The following MAGI2 variants were observed in gnomAD, a reference collection of about 807,000 sequenced individuals.
The protein encoded by MAGI2 is membrane associated guanylate kinase, WW and PDZ domain containing 2.
MAGI2 carries 35 observed loss-of-function variants against 133.3 expected under a neutral mutation model. That is an observed-to-expected ratio of 0.26 (90% CI 0.20 to 0.35). The LOEUF is 0.35. Ranked by LOEUF, MAGI2 falls within the 10% of genes least tolerant of loss-of-function variation. The pLI, the probability that MAGI2 is intolerant of heterozygous loss-of-function variation, is 1.00. For synonymous variants in MAGI2, 729 were observed against 710.6 expected (o/e 1.03, Z -0.41); for missense variants, 1,636 against 1,863.4 (o/e 0.88, Z 2.25).
intron 6 of MAGI2, among the ~76,000 whole-genome samples, chr7:78,370,538 G>GA (rs1793818428): frequency 1.3e-5 from 2 of 151,826 alleles, no homozygotes; most frequent in African/African-American, 4.8e-5. Flanking sequence ...TCCTAGATGT[G>GA]AAATTTTGGA....
intron 6 of MAGI2, among the ~76,000 whole-genome samples, chr7:78,406,729 TTTACCACA>T (rs1203577509): frequency 3.9e-5 from 6 of 152,066 alleles, no homozygotes; most frequent in Non-Finnish European, 5.9e-5. Flanking sequence ...GGAGAGCCAT[TTTACCACA>T]TGCCAAACAC....
chr7:79,414,407 G>T (rs1405141871), intron 1 of MAGI2: 1 of 152,026 alleles, frequency 6.6e-6, no homozygotes. Flanking sequence ...GGGTTATAAA[G>T]ACAGTAACTG....
intron 1 of MAGI2, among the ~76,000 whole-genome samples, chr7:79,146,210 G>T (rs965256308): frequency 6.6e-6 from 1 of 152,234 alleles, no homozygotes; most frequent in African/African-American, 2.4e-5. Context: ...TGATGTGGAA[G>T]AGGGAGAGCA....
Position 78,501,888 on chromosome 7 carries a change from T to C in MAGI2, c.755-101A>G. The C allele has an allele frequency of 3.8e-6, 3 of 798,156 alleles. No individual in the cohort carries two copies. In the South Asian group the frequency reaches 4.9e-5, roughly 13 times the overall value. The allele number at this position is 798,156 out of a possible 1,614,324, so 49.4% of individuals were successfully genotyped here. On this transcript the variant is annotated intron_variant, in intron 4 of 21. Coordinates refer to ENST00000354212, the MANE Select transcript of MAGI2 (RefSeq NM_012301.4). Reference sequence around the variant, plus strand: ...CAGGGAATAAACGTCATGAATAACTTCTATGAAGGCTAACAGGAAACATTT... The same window carrying C: ...CAGGGAATAAACGTCATGAATAACTCCTATGAAGGCTAACAGGAAACATTT...
rs568484687 is a variant in MAGI2, at chr7:79,141,628, A to T, written c.302-134422T>A. ...GTACTATATCTTACTTCAATAATCA[A>T]TGCAAATGGCCAAATAACGTTGTGT... On this transcript the variant is annotated intron_variant, in intron 1 of 21. Transcript: ENST00000354212. Among the ~76,000 whole-genome samples, 7 of 152,286 alleles carry T rather than the reference A, an allele frequency of 4.6e-5. No homozygotes were observed. In the South Asian group the frequency reaches 1.5e-3, roughly 32 times the overall value.
Position 79,045,103 on chromosome 7 carries a change from C to T in MAGI2, c.302-37897G>A, listed in dbSNP as rs1281938953. ...GGAACACATGGATGAATTTCAGAAACATTGTACTAAGAAAATGAAACTATA... is the reference window on the plus strand; with the variant it reads ...GGAACACATGGATGAATTTCAGAAATATTGTACTAAGAAAATGAAACTATA... On this transcript the variant is annotated intron_variant, in intron 1 of 21. Coordinates refer to ENST00000354212, the MANE Select transcript of MAGI2 (RefSeq NM_012301.4). 2.6e-5 allele frequency among the ~76,000 whole-genome samples: 4 copies of T among 152,126 alleles called. 1 individual carries two copies. In the East Asian group the frequency reaches 7.7e-4, roughly 29 times the overall value.
chr7:78,389,121 G>A (rs1583842191), intron 6 of MAGI2, among the ~76,000 whole-genome samples: 1 of 152,186 alleles, frequency 6.6e-6, no homozygotes, highest in African/African-American at 2.4e-5. Context: ...TGAAGAACAT[G>A]AAAGCTACTT....
At chr7:78,430,153 A>G (rs1172012797) in intron 6 of MAGI2, among the ~76,000 whole-genome samples, 1 of 151,676 alleles carries the variant, frequency 6.6e-6, no homozygotes, top group Non-Finnish European at 1.5e-5. Flanking sequence ...ATTTTTAACA[A>G]GTTCTCAGGT....
At position 78,256,497 on chromosome 7, in the gene MAGI2, A is replaced by G. The variant is rs1160823540; in HGVS notation, c.1493T>C (p.Ile498Thr). The change falls in exon 10 of 22, where the codon ATT (isoleucine) becomes ACT (threonine). Residue 498 changes from isoleucine (I) to threonine (T), a missense_variant. Coordinates refer to ENST00000354212, the MANE Select transcript of MAGI2 (RefSeq NM_012301.4). ...DVVKLFQSVP[I>T]GQSVNLVLCR... The stretch of plus-strand genomic sequence containing the variant: ...CAACACCAGGTTGACACTCTGACCA[A>G]TAGGAACAGACTGGAAAAGTTTGAC... 1.9e-6 allele frequency: 3 copies of G among 1,613,958 alleles called. No individual in the cohort carries two copies. Among genetic ancestry groups the G allele is most frequent in the Non-Finnish European group, 2.5e-6 (3 of 1,179,958 alleles).
chr7:79,333,369 G>T (rs184754988), intron 1 of MAGI2, among the ~76,000 whole-genome samples: 1 of 151,918 alleles, frequency 6.6e-6, no homozygotes, highest in Non-Finnish European at 1.5e-5. Context: ...CTCTTGATCC[G>T]CCTGCTTCAG....
chr7:79,060,432 C>G (rs991961978), intron 1 of MAGI2, among the ~76,000 whole-genome samples: 1 of 151,798 alleles, frequency 6.6e-6, no homozygotes, highest in African/African-American at 2.4e-5. Flanking sequence ...GGATACTTAC[C>G]TCTTAGTATT....
chr7:78,178,019 C>T lies in MAGI2; in HGVS notation c.2395G>A (p.Gly799Arg). 1 of 1,611,246 alleles carries T rather than the reference C, an allele frequency of 6.2e-7. No homozygotes were observed. The highest frequency in any genetic ancestry group is 1.1e-5 in the South Asian group (1 of 91,018). ...GFRILGGDEPGQPILIGAVIA... is the reference protein window; with the variant it reads ...GFRILGGDEPRQPILIGAVIA... ...AAGAAGATTCAACTTACAGGCTGTCCAGGCTCATCTCCCCCGAGGATTCTG... is the reference window on the plus strand; with the variant it reads ...AAGAAGATTCAACTTACAGGCTGTCTAGGCTCATCTCCCCCGAGGATTCTG... The change falls in exon 14 of 22, where the codon GGA becomes AGA. Residue 799 changes from glycine (G) to arginine (R), a missense_variant. Physicochemically the swap from Gly to Arg is moderately radical, Grantham distance 125 (BLOSUM62 -2). Around this residue, in one of 5 missense-constraint regions of MAGI2, gnomAD observed 920 missense variants for 1,093.5 expected, o/e 0.84. Coordinates refer to ENST00000354212, the MANE Select transcript of MAGI2 (RefSeq NM_012301.4).
intron 1 of MAGI2, among the ~76,000 whole-genome samples, chr7:79,254,457 A>G (rs549721600): frequency 6.6e-6 from 1 of 152,300 alleles, no homozygotes; most frequent in African/African-American, 2.4e-5. Context: ...GTTTTTAAAA[A>G]GTTTTCTTGC....
chr7:78,959,259 T>C (rs1344793656), intron 2 of MAGI2, among the ~76,000 whole-genome samples: 7 of 152,136 alleles, frequency 4.6e-5, no homozygotes, highest in Non-Finnish European at 8.8e-5. Flanking sequence ...CAGCTGAACA[T>C]TACTTTTGGT....
chr7:78,885,868 C>G (rs939852456), intron 2 of MAGI2, among the ~76,000 whole-genome samples: 6 of 152,114 alleles, frequency 3.9e-5, no homozygotes, highest in Non-Finnish European at 8.8e-5. Flanking sequence ...GCACATAAAA[C>G]CTTTACCAAA....
intron 21 of MAGI2, chr7:78,078,523 C>T: frequency 4.7e-6 from 1 of 212,136 alleles, no homozygotes; most frequent in Non-Finnish European, 9.2e-6. Flanking sequence ...TTGTCTCTGG[C>T]CCCAGTTACA....
At chr7:79,447,274 T>C (rs2129203779) in intron 1 of MAGI2, among the ~76,000 whole-genome samples, 1 of 152,256 alleles carries the variant, frequency 6.6e-6, no homozygotes, top group Non-Finnish European at 1.5e-5. Context: ...ATTATTATAT[T>C]ACTAAGTTTT....
At chr7:79,410,704 T>C (rs967981742) in intron 1 of MAGI2, 2 of 152,176 alleles carry the variant, frequency 1.3e-5, no homozygotes, top group African/African-American at 4.8e-5. Flanking sequence ...ATTTGTCAGT[T>C]TCATAGGAGT....
At chr7:78,387,942 AAATAAAT>A (rs1795542690) in intron 6 of MAGI2, among the ~76,000 whole-genome samples, 2 of 39,424 alleles carry the variant, frequency 5.1e-5, no homozygotes, top group African/African-American at 1.7e-4. Context: ...ATAAATAAAT[AAATAAAT>A]AAATAAATAA....
Sources: allele counts gnomAD v4.1 joint callset (sites outside exome capture counted in the v4.1 genomes callset), GRCh38; gene constraint gnomAD v4.1.1; regional missense constraint gnomAD v4.1.1; transcripts MANE v1.5; gene names NCBI Gene and HGNC (gene_info 2026-07-23, HGNC 2026-07-21).